Variants in RBFOX1 observed in about 807,000 individuals in gnomAD.
RBFOX1 encodes the protein RNA binding fox-1 homolog 1.
In RBFOX1, 8 loss-of-function variants were observed where a neutral mutation model predicts 57.7. That is an observed-to-expected ratio of 0.14 (90% CI 0.08 to 0.25). RBFOX1 has a LOEUF of 0.25. Ranked by LOEUF, RBFOX1 falls within the 10% of genes least tolerant of loss-of-function variation. The pLI is 1.00. For synonymous variants in RBFOX1, 326 were observed against 222.4 expected (o/e 1.47, Z -4.15); for missense variants, 611 against 548.5 (o/e 1.11, Z -1.14).
intron 1 of RBFOX1, among the ~76,000 whole-genome samples, chr16:6,225,899 A>C (rs561044418): frequency 7.4e-4 from 112 of 152,330 alleles, no homozygotes; most frequent in Non-Finnish European, 1.2e-3. Context: ...AGAAACACTG[A>C]AGCCGTGCTT....
chr16:6,762,814 A>G (rs990094814), intron 3 of RBFOX1, among the ~76,000 whole-genome samples: 1 of 152,190 alleles, frequency 6.6e-6, no homozygotes, highest in Non-Finnish European at 1.5e-5. Flanking sequence ...ATTGCAAAAT[A>G]AAAACCAGGT....
At chr16:5,936,279 G>C (rs572031204) in intron 4 of RBFOX1, among the ~76,000 whole-genome samples, 1 of 152,122 alleles carries the variant, frequency 6.6e-6, no homozygotes, top group East Asian at 1.9e-4. Context: ...ATGTGCCAAC[G>C]TGCCTGGCTA....
chr16:7,358,478 C>T (rs1187554313), intron 4 of RBFOX1, among the ~76,000 whole-genome samples: 6 of 151,768 alleles, frequency 4.0e-5, no homozygotes, highest in Non-Finnish European at 2.9e-5. Flanking sequence ...TGGAGTGCAG[C>T]GGCGCGATCT....
At chr16:7,031,138 C>T (rs1268026121) in intron 3 of RBFOX1, among the ~76,000 whole-genome samples, 1 of 152,098 alleles carries the variant, frequency 6.6e-6, no homozygotes, top group Non-Finnish European at 1.5e-5. Flanking sequence ...AGGTATGCTG[C>T]AGGATAGTGG....
At chr16:5,428,105 G>GGTGTGTGTGTGTGTGTCTGTGT (rs1209931419) in intron 1 of RBFOX1, among the ~76,000 whole-genome samples, 1 of 137,972 alleles carries the variant, frequency 7.2e-6, no homozygotes, top group Non-Finnish European at 1.6e-5. Flanking sequence ...GCTCTGGAAG[G>GGTGTGTGTGTGTGTGTCTGTGT]GTGTGTGTGT....
At chr16:7,149,029 C>T (rs560403022) in intron 4 of RBFOX1, among the ~76,000 whole-genome samples, 1 of 152,178 alleles carries the variant, frequency 6.6e-6, no homozygotes, top group Non-Finnish European at 1.5e-5. Flanking sequence ...AGGGAAGGGG[C>T]CTTCTGGTCT....
chr16:6,329,090 C>G (rs1207750446), intron 2 of RBFOX1, among the ~76,000 whole-genome samples: 1 of 152,152 alleles, frequency 6.6e-6, no homozygotes, highest in Non-Finnish European at 1.5e-5. Context: ...GTTAATCTTT[C>G]CTTTCAAAAC....
chr16:5,607,583 C>G (rs113128109), intron 3 of RBFOX1, among the ~76,000 whole-genome samples: 9 of 152,070 alleles, frequency 5.9e-5, no homozygotes, highest in Non-Finnish European at 1.3e-4. Context: ...CTTCCTATCT[C>G]CTGATGGGGT....
intron 4 of RBFOX1, among the ~76,000 whole-genome samples, chr16:7,130,334 C>T (rs114835482): frequency 3.5e-4 from 53 of 152,236 alleles, no homozygotes; most frequent in African/African-American, 1.2e-3. Context: ...CCACGCCAGG[C>T]CTGAAGACTG....
chr16:6,604,275 T>C (rs2097895901), intron 2 of RBFOX1, among the ~76,000 whole-genome samples: 1 of 152,182 alleles, frequency 6.6e-6, no homozygotes, highest in African/African-American at 2.4e-5. Flanking sequence ...ATGGCTATTT[T>C]AGAAAAAAAC....
At chr16:7,469,351 C>T (rs957994487) in intron 4 of RBFOX1, among the ~76,000 whole-genome samples, 14 of 152,070 alleles carry the variant, frequency 9.2e-5, no homozygotes, top group East Asian at 5.8e-4. Context: ...CGTGAGCCAC[C>T]GCACCTGGCC....
At chr16:5,328,094 G>C (rs1007489194) in intron 1 of RBFOX1, among the ~76,000 whole-genome samples, 2 of 152,114 alleles carry the variant, frequency 1.3e-5, no homozygotes, top group Non-Finnish European at 2.9e-5. Context: ...GGATTTCTTG[G>C]GCAAAATGAA....
chr16:6,976,138 A>G (rs1163121601), intron 3 of RBFOX1, among the ~76,000 whole-genome samples: 1 of 51,544 alleles, frequency 1.9e-5, no homozygotes, highest in African/African-American at 3.6e-5. Context: ...AAAAGGAAAA[A>G]GAAACAAACA....
At chr16:5,543,072 C>G (rs974538154) in intron 2 of RBFOX1, among the ~76,000 whole-genome samples, 5 of 152,172 alleles carry the variant, frequency 3.3e-5, no homozygotes, top group Admixed American at 2.0e-4. Flanking sequence ...AAGCATGGCT[C>G]TAGTCCCAGC....
intron 3 of RBFOX1, among the ~76,000 whole-genome samples, chr16:7,023,886 T>C (rs1487215705): frequency 6.6e-6 from 1 of 152,116 alleles, no homozygotes; most frequent in African/African-American, 2.4e-5. Flanking sequence ...GATCAAAGTA[T>C]ATCGAGTTTG....
intron 2 of RBFOX1, among the ~76,000 whole-genome samples, chr16:6,606,245 C>G (rs1014671144): frequency 6.6e-6 from 1 of 152,074 alleles, no homozygotes; most frequent in African/African-American, 2.4e-5. Flanking sequence ...AGTACTACTG[C>G]CTTTGATATT....
chr16:6,450,921 A>G (rs908562443), intron 2 of RBFOX1, among the ~76,000 whole-genome samples: 13 of 137,780 alleles, frequency 9.4e-5, no homozygotes, highest in Non-Finnish European at 1.1e-4. Context: ...ACCCCTGAAT[A>G]ACAGGAGCCA....
intron 2 of RBFOX1, among the ~76,000 whole-genome samples, chr16:6,461,971 T>A (rs1029261158): frequency 6.6e-6 from 1 of 152,236 alleles, no homozygotes; most frequent in Non-Finnish European, 1.5e-5. Flanking sequence ...GTATGTTGAA[T>A]GTTTCACACG....
chr16:6,824,268 G>C (rs369023971), intron 3 of RBFOX1, among the ~76,000 whole-genome samples: 12 of 152,286 alleles, frequency 7.9e-5, no homozygotes, highest in African/African-American at 2.9e-4. Context: ...AGCCAGATGT[G>C]GTGGTTGGTA....
Sources: allele counts gnomAD v4.1 joint callset (sites outside exome capture counted in the v4.1 genomes callset), GRCh38; gene constraint gnomAD v4.1.1; transcripts MANE v1.5; gene names NCBI Gene and HGNC (gene_info 2026-07-23, HGNC 2026-07-21).